BSDC1: variants seen among roughly 807,000 people sequenced by gnomAD.
BSDC1 encodes BSD domain-containing protein 1.
Under a neutral mutation model 56.0 loss-of-function variants are expected in BSDC1, and 29 were observed. That is an observed-to-expected ratio of 0.52 (90% CI 0.39 to 0.71). BSDC1 has a LOEUF of 0.71. Among genes scored for constraint, BSDC1 ranks in the 30% least tolerant of loss-of-function variants. The pLI is 0.00. For synonymous variants in BSDC1, 210 were observed against 215.3 expected (o/e 0.98, Z 0.21); for missense variants, 477 against 548.5 (o/e 0.87, Z 1.30).
chr1:32,367,335 C>T, intron 10 of BSDC1: 1 of 985,444 alleles, frequency 1.0e-6, no homozygotes, highest in Non-Finnish European at 1.2e-6. Context: ...TGCAAAGACA[C>T]AAAAAGCCAG....
chr1:32,368,047 T>TTTTA, intron 10 of BSDC1: 1 of 1,173,846 alleles, frequency 8.5e-7, no homozygotes. Flanking sequence ...TTTTTTTTTT[T>TTTTA]CAAAAACAGA....
intron 9 of BSDC1, among the ~76,000 whole-genome samples, chr1:32,372,965 G>A (rs565446892): frequency 2.8e-4 from 42 of 152,264 alleles, no homozygotes; most frequent in Non-Finnish European, 4.3e-4. Flanking sequence ...CAGAACAGAC[G>A]AATGCTGTGA....
rs866514828 is a variant in BSDC1, at chr1:32,378,271, C to G, written c.541G>C (p.Val181Leu). 2.5e-6 allele frequency: 4 copies of G among 1,614,208 alleles called. No homozygotes were observed. In the South Asian group the frequency reaches 4.4e-5, roughly 18 times the overall value. ...ALYTKMVPAA[V>L]SHSEFWHRYF... is the part of the protein sequence containing the mutation. ...CGATGCCAGAATTCTGAATGGGAAA[C>G]AGCTGCTGGAACCTGGAGGGAGGGG... Residue 181 changes from valine (V) to leucine (L), a missense_variant, in exon 7 of 11, where the codon GTT becomes CTT. Physicochemically the swap from Val to Leu is conservative, Grantham distance 32 (BLOSUM62 1). Transcript: ENST00000455895. This position sits in a 1 kb window ranked among gnomAD's most constrained non-coding sequence, Gnocchi z 5.2.
At chr1:32,371,809 T>C (rs1442039221) in intron 9 of BSDC1, among the ~76,000 whole-genome samples, 1 of 152,178 alleles carries the variant, frequency 6.6e-6, no homozygotes, top group Non-Finnish European at 1.5e-5. Context: ...GAGCATGGTC[T>C]CTGGGGCCAG....
intron 9 of BSDC1, among the ~76,000 whole-genome samples, chr1:32,370,085 C>G (rs1197624717): frequency 6.6e-6 from 1 of 152,260 alleles, no homozygotes; most frequent in Non-Finnish European, 1.5e-5. Flanking sequence ...TCAAGTGATT[C>G]TCCTGCCTCA....
At chr1:32,393,840 C>T in intron 2 of BSDC1, 1 of 519,064 alleles carries the variant, frequency 1.9e-6, no homozygotes, top group Non-Finnish European at 3.4e-6. Context: ...CTATGGATTC[C>T]TACAAAACGT....
chr1:32,386,937 A>G (rs1209606678), intron 2 of BSDC1, 42 bp from the exon 3 acceptor site: 2 of 1,490,238 alleles, frequency 1.3e-6, no homozygotes, highest in South Asian at 1.1e-5. Context: ...AGCTGGCCCC[A>G]CCACCCCTTG....
rs759487244 is a variant in BSDC1 at position 32,383,981 on chromosome 1, C to T, written c.206G>A (p.Gly69Glu). 6.2e-7 allele frequency: 1 copy of T among 1,613,180 alleles called. No homozygotes were observed. The highest frequency in any genetic ancestry group is 1.1e-5 in the South Asian group (1 of 91,038). Residue 69 changes from glycine to glutamate, a missense_variant, in exon 4 of 11, where the codon GGA becomes GAA. Physicochemically the swap from Gly to Glu is moderately conservative, Grantham distance 98. Transcript: ENST00000455895. ...KEKLATEGSSGATEKMKKGLS... is the reference protein window; with the variant it reads ...KEKLATEGSSEATEKMKKGLS... ...CCCTTTCTTCATCTTCTCTGTTGCT[C>T]CTGAGGAGCCTTCCGTCTGTATAGA... is the stretch of plus-strand genomic sequence containing the variant.
intron 2 of BSDC1, among the ~76,000 whole-genome samples, chr1:32,387,695 A>C (rs998687236): frequency 1.3e-5 from 2 of 152,184 alleles, no homozygotes; most frequent in Non-Finnish European, 2.9e-5. Context: ...TTTTTGTTAC[A>C]GAGAAATTGA....
rs1450554436 is a variant in BSDC1 at position 32,366,633 on chromosome 1, C to T, written c.1282G>A (p.Asp428Asn). The T allele has an allele frequency of 1.3e-6, 2 of 1,484,950 alleles. No individual in the cohort carries two copies. Among genetic ancestry groups the T allele is most frequent in the Non-Finnish European group, 1.8e-6 (2 of 1,114,070 alleles). The allele number at this position is 1,484,950 out of a possible 1,614,324, so 92.0% of individuals were successfully genotyped here. A position where few individuals can be genotyped will look rare whatever the true frequency, so the allele number is the denominator to read the frequency against. Residue 428 changes from aspartate (D) to asparagine (N), a missense_variant, in exon 11 of 11, where the codon GAC (aspartate) becomes AAC (asparagine). Physicochemically the swap from Asp to Asn is conservative, Grantham distance 23. Coordinates refer to ENST00000455895, the MANE Select transcript of BSDC1 (RefSeq NM_018045.8). ...SGELEDVEWE[D>N]WE ...TCCCTCTGGCTCCCTCACTCCCAGT[C>T]CTCCCACTCTACATCTTCCAGCTGC...
chr1:32,367,415 G>A (rs962301892), intron 10 of BSDC1: 4 of 985,258 alleles, frequency 4.1e-6, no homozygotes, highest in Admixed American at 6.1e-5. Context: ...AGTCACAAGT[G>A]CAAAATACTC....
intron 2 of BSDC1, among the ~76,000 whole-genome samples, chr1:32,391,860 T>C (rs1642877189): frequency 6.6e-6 from 1 of 152,192 alleles, no homozygotes; most frequent in South Asian, 2.1e-4. Flanking sequence ...TAAGAGGTTT[T>C]CCCATCAGCC....
rs540910979 is a variant in BSDC1, at chr1:32,383,995, C to T, written c.192G>A (p.Thr64=). Residue 64 remains threonine, a splice_region_variant and synonymous_variant, in exon 4 of 11, where the codon ACG becomes ACA. Transcript: ENST00000455895. ...TASVVKEKLA[T]EGSSGATEKM... is the part of the protein sequence containing the mutation. ...TCTCTGTTGCTCCTGAGGAGCCTTC[C>T]GTCTGTATAGAGAACGGGCAGAGGA... The T allele has an allele frequency of 2.1e-4, 335 of 1,612,992 alleles. No individual in the cohort carries two copies. Among genetic ancestry groups the T allele is most frequent in the Non-Finnish European group, 2.7e-4 (322 of 1,180,042 alleles).
intron 2 of BSDC1, among the ~76,000 whole-genome samples, chr1:32,392,790 G>A (rs1205811029): frequency 2.0e-5 from 3 of 152,232 alleles, no homozygotes; most frequent in Non-Finnish European, 4.4e-5. Context: ...ATGTCTGGGT[G>A]TGGTGGCTCA....
chr1:32,378,747 TG>T lies in BSDC1; in HGVS notation c.504del (p.Ile169SerfsTer29). 6.5e-7 allele frequency: 1 copy of T among 1,535,618 alleles called. No homozygotes were observed. The highest frequency in any genetic ancestry group is 2.1e-5 in the Admixed American group (1 of 48,726). ...EISELLVGSP[S>X]IRALYTKMVP... ...ACCATCTTGGTGTAGAGGGCCCGGA[TG>T]GAGGGGCTGCCTACAAGGAGCTCTG... is the stretch of plus-strand genomic sequence containing the variant. On this transcript the variant is annotated frameshift_variant, in exon 6 of 11. Coordinates refer to ENST00000455895, the MANE Select transcript of BSDC1 (RefSeq NM_018045.8). LOFTEE classifies it high-confidence loss of function. This position sits in a 1 kb window ranked among gnomAD's most constrained non-coding sequence, Gnocchi z 5.2.
intron 5 of BSDC1, among the ~76,000 whole-genome samples, chr1:32,380,012 C>T (rs1195810459): frequency 6.6e-6 from 1 of 152,174 alleles, no homozygotes; most frequent in African/African-American, 2.4e-5. Context: ...AGATGGGCTT[C>T]AAAGGGTCAA....
intron 9 of BSDC1, among the ~76,000 whole-genome samples, chr1:32,376,045 A>G (rs1642267898): frequency 6.6e-6 from 1 of 152,260 alleles, no homozygotes; most frequent in Non-Finnish European, 1.5e-5. Context: ...TTGACTCTTA[A>G]GATGCCAACA....
At chr1:32,389,466 G>A (rs1416790353) in intron 2 of BSDC1, among the ~76,000 whole-genome samples, 3 of 152,220 alleles carry the variant, frequency 2.0e-5, no homozygotes, top group African/African-American at 4.8e-5. Flanking sequence ...CCGCTAGACT[G>A]TGAGCTCTGA....
intron 3 of BSDC1, among the ~76,000 whole-genome samples, chr1:32,385,391 T>C (rs1642628563): frequency 6.6e-6 from 1 of 152,156 alleles, no homozygotes; most frequent in Admixed American, 6.6e-5. Context: ...AATATGCCCA[T>C]GTAACAAACC....
Sources: allele counts gnomAD v4.1 joint callset (sites outside exome capture counted in the v4.1 genomes callset), GRCh38; gene constraint gnomAD v4.1.1; non-coding constraint Gnocchi (gnomAD v3.1); transcripts MANE v1.5; gene names NCBI Gene and HGNC (gene_info 2026-07-23, HGNC 2026-07-21).